The following ENTPD1 variants were observed in gnomAD, a reference collection of about 807,000 sequenced individuals.
ENTPD1 encodes the protein ectonucleoside triphosphate diphosphohydrolase 1.
A neutral mutation model predicts 57.0 loss-of-function variants in ENTPD1; 33 were observed. That is an observed-to-expected ratio of 0.58 (90% CI 0.44 to 0.77). ENTPD1 has a LOEUF of 0.77. Ranked by LOEUF, ENTPD1 falls within the 30% of genes least tolerant of loss-of-function variation. ENTPD1 has a pLI of 0.00. For missense variants in ENTPD1, 501 were observed against 603.4 expected, an observed-to-expected ratio of 0.83 and a Z score of 1.78; for synonymous variants, 202 against 218.8, an observed-to-expected ratio of 0.92 and a Z score of 0.68.
At chr10:95,742,690 A>G (rs2098001759) in intron 1 of ENTPD1, among the ~76,000 whole-genome samples, 1 of 152,206 alleles carries the variant, frequency 6.6e-6, no homozygotes, top group Admixed American at 6.5e-5. Flanking sequence ...CTGGATGTGG[A>G]TACAATGAAT....
intron 1 of ENTPD1, among the ~76,000 whole-genome samples, chr10:95,730,594 GA>G (rs2097988080): frequency 6.6e-6 from 1 of 152,162 alleles, no homozygotes; most frequent in Admixed American, 6.5e-5. Context: ...TATATAATTA[GA>G]ATGCAGATTT....
intron 1 of ENTPD1, among the ~76,000 whole-genome samples, chr10:95,802,377 GTTTCT>G (rs763511541): frequency 1.3e-3 from 201 of 152,034 alleles, no homozygotes; most frequent in Non-Finnish European, 5.0e-4. Context: ...GTTGTAAAAT[GTTTCT>G]TTTCTTTTCT....
chr10:95,761,570 G>C (rs2098063314), intron 1 of ENTPD1, among the ~76,000 whole-genome samples: 1 of 152,154 alleles, frequency 6.6e-6, no homozygotes, highest in Non-Finnish European at 1.5e-5. Context: ...GTCATTGCAG[G>C]ATGATGGGAA....
intron 1 of ENTPD1, among the ~76,000 whole-genome samples, chr10:95,768,506 TTCTC>T (rs5787160): frequency 6.7e-6 from 1 of 148,546 alleles, no homozygotes; most frequent in African/African-American, 2.5e-5. Flanking sequence ...TTTTCTTTCT[TTCTC>T]TCTCTCTTTC....
At chr10:95,750,658 A>G (rs2098010758), upstream of ENTPD1, among the ~76,000 whole-genome samples, 1 of 152,224 alleles carries the variant, frequency 6.6e-6, no homozygotes, top group Non-Finnish European at 1.5e-5. Flanking sequence ...TATTTGAGTC[A>G]TGAAAGATAT....
intron 4 of ENTPD1, among the ~76,000 whole-genome samples, chr10:95,844,084 A>T (rs2098428462): frequency 6.6e-6 from 1 of 152,218 alleles, no homozygotes; most frequent in African/African-American, 2.4e-5. Flanking sequence ...GTAACCAGCT[A>T]GGAGCCACCC....
chr10:95,802,001 T>G (rs1041903339), intron 1 of ENTPD1, among the ~76,000 whole-genome samples: 1 of 152,192 alleles, frequency 6.6e-6, no homozygotes, highest in Non-Finnish European at 1.5e-5. Flanking sequence ...ATCTCTGACT[T>G]TTTAGATTTA....
chr10:95,742,866 A>G (rs1184616053), intron 1 of ENTPD1, among the ~76,000 whole-genome samples: 1 of 152,246 alleles, frequency 6.6e-6, no homozygotes, highest in Non-Finnish European at 1.5e-5. Context: ...GCTTTTAATT[A>G]TAGAATAGTT....
chr10:95,838,754 A>G (rs527284473), intron 2 of ENTPD1, among the ~76,000 whole-genome samples: 4 of 152,316 alleles, frequency 2.6e-5, no homozygotes, highest in African/African-American at 9.6e-5. Context: ...TATGCCTAGT[A>G]TTTGCACACT....
Position 95,847,713 on chromosome 10 carries a change from T to G in ENTPD1, c.1074+7T>G. The G allele has an allele frequency of 6.2e-7, 1 of 1,614,072 alleles. No individual in the cohort carries two copies. Among genetic ancestry groups the G allele is most frequent in the South Asian group, 1.1e-5 (1 of 91,076 alleles). Reference sequence around the variant, plus strand: ...ACTCCAGGGGGATTTTGGGGTAAGTTTGTGAAATGATGAGGTATAGGATGT... The same window carrying G: ...ACTCCAGGGGGATTTTGGGGTAAGTGTGTGAAATGATGAGGTATAGGATGT... On this transcript the variant is annotated splice_region_variant and intron_variant, in intron 7 of 9. Coordinates refer to ENST00000371205, the MANE Select transcript of ENTPD1 (RefSeq NM_001776.6).
chr10:95,748,708 T>C (rs2098008701), intron 1 of ENTPD1, among the ~76,000 whole-genome samples: 1 of 152,244 alleles, frequency 6.6e-6, no homozygotes, highest in African/African-American at 2.4e-5. Flanking sequence ...TTTAAGTTTC[T>C]TTTACATTGG....
chr10:95,836,772 G>T (rs2098410723), intron 2 of ENTPD1, among the ~76,000 whole-genome samples: 1 of 152,188 alleles, frequency 6.6e-6, no homozygotes, highest in Non-Finnish European at 1.5e-5. Flanking sequence ...GTACTCTCTG[G>T]AACATGCATT....
intron 1 of ENTPD1, among the ~76,000 whole-genome samples, chr10:95,760,811 A>ATTTTTTTTTTTTTT: frequency 2.1e-5 from 1 of 48,404 alleles, no homozygotes; most frequent in Non-Finnish European, 4.1e-5. Context: ...CATAGAGTTT[A>ATTTTTTTTTTTTTT]TTCTTTTTTT....
intron 2 of ENTPD1, among the ~76,000 whole-genome samples, chr10:95,834,196 T>A (rs1396921846): frequency 6.6e-6 from 1 of 152,246 alleles, no homozygotes; most frequent in Non-Finnish European, 1.5e-5. Context: ...TTGAATTCTT[T>A]CTCTGTGCCT....
chr10:95,847,384 G>C (rs2098437726), intron 6 of ENTPD1, 62 bp from the exon 7 acceptor site: 7 of 1,598,726 alleles, frequency 4.4e-6, no homozygotes, highest in Middle Eastern at 3.3e-4. Context: ...GATTAAGTCA[G>C]ACTGTACCTT....
At chr10:95,769,974 T>C (rs2098108696) in intron 1 of ENTPD1, among the ~76,000 whole-genome samples, 4 of 152,118 alleles carry the variant, frequency 2.6e-5, no homozygotes, top group Admixed American at 2.0e-4. Flanking sequence ...AATGTTCCGA[T>C]GCCTATTTGA....
chr10:95,756,381 C>A (rs1314423889), intron 1 of ENTPD1, 126 bp downstream of exon 1: 9 of 1,065,456 alleles, frequency 8.4e-6, no homozygotes, highest in African/African-American at 8.1e-5. Flanking sequence ...ACTTTCCCAC[C>A]CTCTTCCTTC....
chr10:95,694,859 T>C, the ENTPD1 span, among the ~76,000 whole-genome samples: 3 of 150,646 alleles, frequency 2.0e-5, no homozygotes, highest in Admixed American at 6.6e-5. Flanking sequence ...GTGGCAATTG[T>C]GCGCTTGAAA....
chr10:95,783,993 A>G (rs952888079), intron 1 of ENTPD1, among the ~76,000 whole-genome samples: 1 of 152,014 alleles, frequency 6.6e-6, no homozygotes, highest in African/African-American at 2.4e-5. Context: ...ATGCAAAAAT[A>G]TAGGTTCCTA....
Sources: gnomAD v4.1 joint callset for allele counts (sites outside exome capture counted in the v4.1 genomes callset) on GRCh38, gnomAD v4.1.1 for gene constraint, MANE v1.5 for transcripts, NCBI Gene and HGNC (gene_info 2026-07-23, HGNC 2026-07-21) for gene names.